Variants in ILDR2 observed in about 807,000 individuals in gnomAD.
The protein encoded by ILDR2 is immunoglobulin like domain containing receptor 2, also known as immunoglobulin-like domain-containing receptor 2.
Under a neutral mutation model 66.8 loss-of-function variants are expected in ILDR2, and 25 were observed. The ratio of observed to expected loss-of-function variants is 0.37; its 90% CI spans 0.27 to 0.52. The LOEUF (loss-of-function observed/expected upper bound fraction) is 0.52. Ranked by LOEUF, ILDR2 falls within the 20% of genes least tolerant of loss-of-function variation. The pLI, the probability that ILDR2 is intolerant of heterozygous loss-of-function variation, is 0.88. For synonymous variants in ILDR2, 367 were observed against 357.2 expected (o/e 1.03, Z -0.31); for missense variants, 827 against 876.8 (o/e 0.94, Z 0.72).
In ILDR2 at chr1:166,921,264, G is replaced by C; in HGVS notation, c.1327C>G (p.Arg443Gly). The C allele has an allele frequency of 6.3e-7, 1 of 1,598,834 alleles. No individual in the cohort carries two copies. Among genetic ancestry groups the C allele is most frequent in the Non-Finnish European group, 8.5e-7 (1 of 1,175,334 alleles). ...FADSYGQRPR[R>G]ADGNSHEARG... ...GCCTCGTGACTGTTGCCGTCTGCCC[G>C]GCGGGGCCGCTGGCCGTAGGAGTCA... is the stretch of plus-strand genomic sequence containing the variant. The change falls in exon 9 of 10, where the codon CGG (arginine) becomes GGG (glycine). Residue 443 changes from arginine to glycine, a missense_variant. Arg to Gly is a moderately radical substitution (Grantham distance 125, BLOSUM62 -2). Around this residue, in one of 2 missense-constraint regions of ILDR2, gnomAD observed 390 missense variants for 353.6 expected, o/e 1.10. Coordinates refer to ENST00000271417, the MANE Select transcript of ILDR2 (RefSeq NM_199351.3). This position sits in a 1 kb window ranked among gnomAD's most constrained non-coding sequence, Gnocchi z 5.3.
intron 3 of ILDR2, among the ~76,000 whole-genome samples, chr1:166,948,699 GCCAATT>G (rs1365992865): frequency 2.6e-5 from 4 of 152,176 alleles, no homozygotes; most frequent in Non-Finnish European, 4.4e-5. Context: ...CAATAGGATT[GCCAATT>G]CACAGATGGC....
intron 3 of ILDR2, among the ~76,000 whole-genome samples, chr1:166,949,480 A>C (rs762667874): frequency 6.6e-6 from 1 of 152,268 alleles, no homozygotes; most frequent in Non-Finnish European, 1.5e-5. Flanking sequence ...TATGCAAAAA[A>C]TAATCATTTT....
chr1:166,948,947 A>C (rs1442521873), intron 3 of ILDR2, among the ~76,000 whole-genome samples: 3 of 152,202 alleles, frequency 2.0e-5, no homozygotes, highest in Admixed American at 2.0e-4. Flanking sequence ...CTCCCCATTT[A>C]TTCAGCTAAG....
intron 3 of ILDR2, among the ~76,000 whole-genome samples, chr1:166,944,955 G>C (rs879392317): frequency 5.3e-5 from 8 of 152,140 alleles, no homozygotes; most frequent in Non-Finnish European, 1.0e-4. Context: ...GAAGCCCAGC[G>C]TGAGGAGGCA....
chr1:166,928,187 A>G (rs935645010), intron 6 of ILDR2, among the ~76,000 whole-genome samples: 2 of 152,340 alleles, frequency 1.3e-5, no homozygotes, highest in East Asian at 1.9e-4. Context: ...AATGCTTTAC[A>G]TGGACATTTG....
intron 6 of ILDR2, among the ~76,000 whole-genome samples, chr1:166,931,736 C>T (rs1401374028): frequency 2.0e-5 from 3 of 151,878 alleles, no homozygotes; most frequent in Non-Finnish European, 2.9e-5. Context: ...ACTTGGTGAC[C>T]AATTGGATGA....
chr1:166,975,105 CTAAGCAGCTT>C (rs1663518047), intron 1 of ILDR2, 108 bp downstream of exon 1: 4 of 821,736 alleles, frequency 4.9e-6, no homozygotes, highest in African/African-American at 1.7e-5. Flanking sequence ...CACCAGACCG[CTAAGCAGCTT>C]TAAACATGGT....
chr1:166,904,642 T>C (rs1021377456), downstream of ILDR2, among the ~76,000 whole-genome samples: 4 of 152,248 alleles, frequency 2.6e-5, no homozygotes, highest in Non-Finnish European at 5.9e-5. Flanking sequence ...GTCTTGACTA[T>C]TGGATCTGTA....
At chr1:166,948,739 T>C in intron 3 of ILDR2, among the ~76,000 whole-genome samples, 1 of 152,286 alleles carries the variant, frequency 6.6e-6, no homozygotes, top group East Asian at 1.9e-4. Flanking sequence ...GCCCGTGGAA[T>C]GGGCTAAAGG....
chr1:166,904,136 C>T (rs1325178210), downstream of ILDR2, among the ~76,000 whole-genome samples: 1 of 152,046 alleles, frequency 6.6e-6, no homozygotes, highest in African/African-American at 2.4e-5. Flanking sequence ...TAATTAGTGC[C>T]CAACAAATAC....
chr1:166,945,611 T>C (rs1237516614), intron 3 of ILDR2, among the ~76,000 whole-genome samples: 2 of 152,300 alleles, frequency 1.3e-5, no homozygotes, highest in African/African-American at 2.4e-5. Context: ...ATCCAAGCTC[T>C]AATCATTTCC....
At chr1:166,924,982 C>T (rs2101866887) in intron 7 of ILDR2, among the ~76,000 whole-genome samples, 1 of 152,206 alleles carries the variant, frequency 6.6e-6, no homozygotes. Flanking sequence ...CGCCACTGCA[C>T]TCCAGCCTGG....
intron 2 of ILDR2, 44 bp from the exon 3 acceptor site, chr1:166,956,896 C>G (rs758389431): frequency 6.3e-7 from 1 of 1,598,882 alleles, no homozygotes; most frequent in Non-Finnish European, 8.5e-7. Context: ...ACTCTGTCCT[C>G]TGAAAGAAAA....
In ILDR2 at chr1:166,914,664, T is replaced by TG. The variant is rs1659575424; in HGVS notation, c.*4690dup. ...GCTTAAAGCATCTCAACACTGCCCT[T>TG]GCACCACTCTGATGTTAAATGCCCC... On this transcript the variant is annotated 3_prime_UTR_variant, in exon 10 of 10. Coordinates refer to ENST00000271417, the MANE Select transcript of ILDR2 (RefSeq NM_199351.3). 6.6e-6 allele frequency: 1 copy of TG among 152,242 alleles called. No homozygotes were observed. 9.4% of individuals were successfully genotyped at this position (152,242 alleles called of 1,614,324 possible).
At position 166,920,843 on chromosome 1, in the gene ILDR2, T is replaced by C. The variant is rs1172953192; in HGVS notation, c.1748A>G (p.Gln583Arg). 6.6e-7 allele frequency: 1 copy of C among 1,514,574 alleles called. No individual in the cohort carries two copies. The highest frequency in any genetic ancestry group is 8.8e-7 in the Non-Finnish European group (1 of 1,135,278). 93.8% of individuals were successfully genotyped at this position (1,514,574 alleles called of 1,614,324 possible). A position where few individuals can be genotyped will look rare whatever the true frequency, so the allele number is the denominator to read the frequency against. Residue 583 changes from glutamine (Q) to arginine (R), a missense_variant, in exon 9 of 10, where the codon CAG becomes CGG. Gln to Arg is a conservative substitution (Grantham distance 43). This residue lies in a region of ILDR2 where 390 missense variants were observed against 353.6 expected (regional missense o/e 1.10). Coordinates refer to ENST00000271417, the MANE Select transcript of ILDR2 (RefSeq NM_199351.3). ...CAGCGCGTCGTCGGACGCGTCCTCC[T>C]GGTCGTCCTGCGACGAGCCGGCCTT... ...TYKAGSSQDD[Q>R]EDASDDALPP...
At position 166,969,894 on chromosome 1, in the gene ILDR2, C is replaced by T. The variant is rs34956259; in HGVS notation, c.46+5329G>A. On this transcript the variant is annotated intron_variant, in intron 1 of 9. Coordinates refer to ENST00000271417, the MANE Select transcript of ILDR2 (RefSeq NM_199351.3). ...TGGGCTTGGACAAGTCATTTATTTC[C>T]TCTGAGCCTTGGTCTTCTTAAGTGT... Among the ~76,000 whole-genome samples, 1,396 of 152,266 alleles carry T rather than the reference C, an allele frequency of 9.2e-3. 10 individuals are homozygous for T. Among genetic ancestry groups the T allele is most frequent in the Middle Eastern group, 0.027 (8 of 294 alleles).
chr1:166,931,037 A>G (rs756395437), intron 6 of ILDR2, among the ~76,000 whole-genome samples: 2 of 152,336 alleles, frequency 1.3e-5, no homozygotes, highest in Admixed American at 6.5e-5. Flanking sequence ...GTCTGGCCCA[A>G]GTCATTTGGC....
Position 166,917,664 on chromosome 1 carries a change from G to A in ILDR2, c.*1691C>T, listed in dbSNP as rs1289197851. 1.3e-5 allele frequency: 2 copies of A among 152,206 alleles called. No individual in the cohort carries two copies. The highest frequency in any genetic ancestry group is 2.9e-5 in the Non-Finnish European group (2 of 68,038). The allele number at this position is 152,206 out of a possible 1,614,324, so 9.4% of individuals were successfully genotyped here. A position where few individuals can be genotyped will look rare whatever the true frequency, so the allele number is the denominator to read the frequency against. On this transcript the variant is annotated 3_prime_UTR_variant, in exon 10 of 10. Coordinates refer to ENST00000271417, the MANE Select transcript of ILDR2 (RefSeq NM_199351.3). ...CAGGGATGAACATTCAGACAAGAAC[G>A]AGTCAGGTTTGTTCTTAAAGAGAAA...
intron 6 of ILDR2, among the ~76,000 whole-genome samples, chr1:166,927,827 A>G (rs1660394387): frequency 6.6e-6 from 1 of 152,218 alleles, no homozygotes; most frequent in South Asian, 2.1e-4. Context: ...TTTTAGGAGA[A>G]GGAATACTGT....
Sources: allele counts gnomAD v4.1 joint callset (sites outside exome capture counted in the v4.1 genomes callset), GRCh38; gene constraint gnomAD v4.1.1; regional missense constraint gnomAD v4.1.1; non-coding constraint Gnocchi (gnomAD v3.1); transcripts MANE v1.5; gene names NCBI Gene and HGNC (gene_info 2026-07-23, HGNC 2026-07-21).